The following ADGRE3 variants were observed in gnomAD, a reference collection of about 807,000 sequenced individuals.
The protein encoded by ADGRE3 is adhesion G protein-coupled receptor E3, also known as EGF-like module receptor 3.
Under a neutral mutation model 80.1 loss-of-function variants are expected in ADGRE3, and 88 were observed. The ratio of observed to expected loss-of-function variants is 1.10; its 90% confidence interval spans 0.93 to 1.31. ADGRE3 has a LOEUF of 1.31. Among genes scored for constraint, ADGRE3 ranks in the 40% most tolerant of loss-of-function variants. The probability of loss-of-function intolerance (pLI) is 0.00; values close to 1 mark genes in which losing one functional copy is unlikely to be tolerated. For missense variants in ADGRE3, 715 were observed against 776.5 expected, an observed-to-expected ratio of 0.92 and a Z score of 0.94; for synonymous variants, 281 against 294.8, an observed-to-expected ratio of 0.95 and a Z score of 0.48.
chr19:14,657,486 C>T (rs954506144), intron 5 of ADGRE3, among the ~76,000 whole-genome samples: 1 of 151,992 alleles, frequency 6.6e-6, no homozygotes, highest in African/African-American at 2.4e-5. Context: ...CGCTCATACA[C>T]ACACACTCAC....
intron 2 of ADGRE3, among the ~76,000 whole-genome samples, chr19:14,667,868 A>T (rs1275570330): frequency 1.3e-5 from 2 of 152,212 alleles, no homozygotes; most frequent in Non-Finnish European, 2.9e-5. Context: ...TACTAGGTGT[A>T]CAGTTCGGTG....
chr19:14,665,569 A>AG lies in ADGRE3; in HGVS notation c.77-2030dup, dbSNP rs542300601. The stretch of plus-strand genomic sequence containing the variant: ...GCAGTGGCAGATCATAGCTCACTGC[A>AG]GCCTCAACCTCCTGGGCTCAAGCGA... On this transcript the variant is annotated intron_variant, in intron 2 of 15. Transcript: ENST00000253673. Among the ~76,000 whole-genome samples the AG allele has an allele frequency of 2.2e-3, 332 of 152,162 alleles. 1 individual carries two copies. The highest frequency in any genetic ancestry group is 7.5e-3 in the African/African-American group (310 of 41,526).
In ADGRE3 at chr19:14,619,471, C is replaced by T; in HGVS notation, c.1921G>A (p.Gly641Arg). ...KMGPDSKPSE[G>R]DVFPGQVKRK... ...TTCACTTGTCCTGGAAAAACATCCCCCTATAAAAGAGGTTTAGATTAAAGG... is the reference window on the plus strand; with the variant it reads ...TTCACTTGTCCTGGAAAAACATCCCTCTATAAAAGAGGTTTAGATTAAAGG... The change falls in exon 16 of 16, where the codon GGG (glycine) becomes AGG (arginine). Residue 641 changes from glycine (G) to arginine (R), a missense_variant and splice_region_variant. Physicochemically the swap from Gly to Arg is moderately radical, Grantham distance 125 (BLOSUM62 -2). Coordinates refer to ENST00000253673, the MANE Select transcript of ADGRE3 (RefSeq NM_032571.5). 6.3e-7 allele frequency: 1 copy of T among 1,593,248 alleles called. No individual in the cohort carries two copies. Among genetic ancestry groups the T allele is most frequent in the African/African-American group, 1.3e-5 (1 of 74,488 alleles).
At chr19:14,660,144 G>C (rs190724663) in intron 4 of ADGRE3, among the ~76,000 whole-genome samples, 1 of 152,086 alleles carries the variant, frequency 6.6e-6, no homozygotes, top group Non-Finnish European at 1.5e-5. Flanking sequence ...GCCAGCCTTG[G>C]TAATAACGAA....
the ADGRE3 span, among the ~76,000 whole-genome samples, chr19:14,612,468 G>A: frequency 1.3e-5 from 2 of 151,722 alleles, no homozygotes; most frequent in South Asian, 4.2e-4. Flanking sequence ...CTGAGTAGCT[G>A]GGATTACAGG....
At chr19:14,613,273 G>C in the ADGRE3 span, among the ~76,000 whole-genome samples, 10 of 152,226 alleles carry the variant, frequency 6.6e-5, no homozygotes, top group African/African-American at 2.4e-4. Context: ...CCAGGCTGGA[G>C]TGCAGTGTTG....
intron 13 of ADGRE3, among the ~76,000 whole-genome samples, chr19:14,630,614 A>T (rs1970855190): frequency 6.6e-6 from 1 of 151,968 alleles, no homozygotes; most frequent in African/African-American, 2.4e-5. Context: ...GGGTTTCGCC[A>T]TGTTGACCAG....
At chr19:14,632,860 G>T in intron 13 of ADGRE3, 61 bp downstream of exon 13, 2 of 1,095,720 alleles carry the variant, frequency 1.8e-6, no homozygotes, top group Non-Finnish European at 2.8e-6. Context: ...CGTGTGTATG[G>T]ATATGTAGGA....
rs1970618246 is a variant in ADGRE3 at position 14,622,097 on chromosome 19, T to C, written c.1921-2626A>G. Reference sequence around the variant, plus strand: ...GAAGGCTCTGCACTGAACACATTCTTTATGCTCAGCACAGACACCAAGGCA... The same window carrying C: ...GAAGGCTCTGCACTGAACACATTCTCTATGCTCAGCACAGACACCAAGGCA... On this transcript the variant is annotated intron_variant, in intron 15 of 15. Coordinates refer to ENST00000253673, the MANE Select transcript of ADGRE3 (RefSeq NM_032571.5). The C allele has an allele frequency of 8.5e-6, 9 of 1,053,942 alleles. 3 individuals carry two copies. The South Asian group carries it at 1.1e-4, about 13-fold the overall frequency. 65.3% of individuals were successfully genotyped at this position (1,053,942 alleles called of 1,614,324 possible). A position where few individuals can be genotyped will look rare whatever the true frequency, so the allele number is the denominator to read the frequency against.
intron 11 of ADGRE3, among the ~76,000 whole-genome samples, chr19:14,636,754 C>G (rs1311895768): frequency 1.3e-5 from 2 of 152,084 alleles, no homozygotes; most frequent in Admixed American, 1.3e-4. Flanking sequence ...TCCTAGATAA[C>G]AGTTTCCCTT....
downstream of ADGRE3, among the ~76,000 whole-genome samples, chr19:14,614,206 C>T (rs1386322978): frequency 6.6e-6 from 1 of 152,168 alleles, no homozygotes; most frequent in East Asian, 1.9e-4. Flanking sequence ...AAACCCTCCA[C>T]CCAGGGGACT....
chr19:14,617,787 C>G (rs1334632042), downstream of ADGRE3, among the ~76,000 whole-genome samples: 2 of 152,060 alleles, frequency 1.3e-5, no homozygotes, highest in East Asian at 1.9e-4. Flanking sequence ...AATCTTTTGG[C>G]CTTTTTTCCT....
At chr19:14,604,699 G>T in the ADGRE3 span, among the ~76,000 whole-genome samples, 1 of 151,826 alleles carries the variant, frequency 6.6e-6, no homozygotes. Flanking sequence ...CGAGGCGGAG[G>T]GTGCAGTGAG....
In ADGRE3 at chr19:14,647,308, G is replaced by A. The variant is rs779508476; in HGVS notation, c.755C>T (p.Thr252Ile). ...TTTCTTATCCATCTCTTCAAAAAAA[G>A]TTGCATTTATGATGTTTCCAAGAGA... ...YSSLGNIINA[T>I]FFEEMDKKDQ... The change falls in exon 8 of 16, where the codon ACT becomes ATT. Residue 252 changes from threonine (T) to isoleucine (I), a missense_variant. Physicochemically the swap from Thr to Ile is moderately conservative, Grantham distance 89. Coordinates refer to ENST00000253673, the MANE Select transcript of ADGRE3 (RefSeq NM_032571.5). The A allele has an allele frequency of 6.2e-7, 1 of 1,612,788 alleles. No homozygotes were observed. The highest frequency in any genetic ancestry group is 1.1e-5 in the South Asian group (1 of 91,042).
At chr19:14,655,806 G>A (rs1408950251) in intron 5 of ADGRE3, among the ~76,000 whole-genome samples, 1 of 151,938 alleles carries the variant, frequency 6.6e-6, no homozygotes, top group Non-Finnish European at 1.5e-5. Context: ...GTAGTGATAA[G>A]TTTGTTAGAA....
At chr19:14,628,832 T>G (rs1970799392) in intron 14 of ADGRE3, 2 of 191,340 alleles carry the variant, frequency 1.0e-5, no homozygotes, top group Non-Finnish European at 2.1e-5. Context: ...ATCTGATATG[T>G]CTTGAAGAAA....
the ADGRE3 span, among the ~76,000 whole-genome samples, chr19:14,602,385 G>T: frequency 6.6e-6 from 1 of 152,044 alleles, no homozygotes; most frequent in East Asian, 1.9e-4. Context: ...GGCCTCCTGG[G>T]CTCAAGTGAT....
chr19:14,641,338 T>C (rs1374985300), intron 10 of ADGRE3, 81 bp downstream of exon 10: 1 of 1,549,772 alleles, frequency 6.5e-7, no homozygotes, highest in African/African-American at 1.4e-5. Flanking sequence ...GACATTTTAT[T>C]AAGGAATCTA....
chr19:14,650,315 CA>C (rs1971554366), intron 7 of ADGRE3, among the ~76,000 whole-genome samples: 1 of 149,042 alleles, frequency 6.7e-6, no homozygotes, highest in Non-Finnish European at 1.5e-5. Context: ...TCTCTTTTCT[CA>C]TCTTTCTCTT....
Sources: allele counts gnomAD v4.1 joint callset (sites outside exome capture counted in the v4.1 genomes callset), GRCh38; gene constraint gnomAD v4.1.1; transcripts MANE v1.5; gene names NCBI Gene and HGNC (gene_info 2026-07-23, HGNC 2026-07-21).